The following HEATR5B variants were observed in gnomAD, a reference collection of about 807,000 sequenced individuals.
HEATR5B encodes HEAT repeat containing 5B.
HEATR5B carries 156 observed loss-of-function variants against 224.1 expected under a neutral mutation model. That is an observed-to-expected ratio of 0.70 (90% confidence interval 0.61 to 0.80). HEATR5B has a LOEUF of 0.80. Among genes scored for constraint, HEATR5B ranks in the 30% least tolerant of loss-of-function variants. The probability of loss-of-function intolerance (pLI) is 0.00; values close to 1 mark genes in which losing one functional copy is unlikely to be tolerated. For missense variants in HEATR5B, 2,323 were observed against 2,535.5 expected, an observed-to-expected ratio of 0.92 and a Z score of 1.80; for synonymous variants, 1,027 against 893.0, an observed-to-expected ratio of 1.15 and a Z score of -2.68.
At chr2:37,043,512 G>C (rs1670002371) in intron 18 of HEATR5B, among the ~76,000 whole-genome samples, 1 of 152,134 alleles carries the variant, frequency 6.6e-6, no homozygotes, top group African/African-American at 2.4e-5. Flanking sequence ...TCTTCTCCAA[G>C]GGCAATTCTG....
At position 37,019,840 on chromosome 2, in the gene HEATR5B, G is replaced by T; in HGVS notation, c.4073C>A (p.Thr1358Lys). Residue 1358 changes from threonine to lysine, a missense_variant, in exon 26 of 36, where the codon ACA becomes AAA. This residue lies in a region of HEATR5B where 339 missense variants were observed against 378.4 expected (regional missense o/e 0.90). Transcript: ENST00000233099. ...AALRPAFSQD[T>K]PSDIIAKACQ... Reference sequence around the variant, plus strand: ...AGCTTTCGCTATTATATCTGATGGTGTATCTTGTGAAAAGGCTGGTCTTAG... The same window carrying T: ...AGCTTTCGCTATTATATCTGATGGTTTATCTTGTGAAAAGGCTGGTCTTAG... 1 of 1,610,426 alleles carries T rather than the reference G, an allele frequency of 6.2e-7. No homozygotes were observed. Among genetic ancestry groups the T allele is most frequent in the Non-Finnish European group, 8.5e-7 (1 of 1,178,174 alleles).
chr2:37,074,873 T>C (rs184150989), intron 5 of HEATR5B, among the ~76,000 whole-genome samples: 1 of 152,332 alleles, frequency 6.6e-6, no homozygotes. Context: ...CAATGACATA[T>C]GTATCCATTA....
At chr2:37,081,346 T>C (rs1228335284) in intron 2 of HEATR5B, among the ~76,000 whole-genome samples, 2 of 152,218 alleles carry the variant, frequency 1.3e-5, no homozygotes, top group East Asian at 3.8e-4. Flanking sequence ...CATTAGGTCA[T>C]GCATTGACTG....
chr2:37,034,612 CAAAAAAA>C (rs772823865), intron 21 of HEATR5B, among the ~76,000 whole-genome samples: 3 of 30,580 alleles, frequency 9.8e-5, no homozygotes, highest in East Asian at 1.3e-3. Context: ...GACTCTGTCT[CAAAAAAA>C]AAAAAAAAAA....
chr2:37,076,197 GT>G (rs780631180), intron 4 of HEATR5B: 1 of 152,258 alleles, frequency 6.6e-6, no homozygotes, highest in Admixed American at 6.5e-5. Flanking sequence ...CCACTAAACT[GT>G]AAGTTCTTTG....
intron 4 of HEATR5B, among the ~76,000 whole-genome samples, chr2:37,076,436 G>A (rs1332906709): frequency 6.6e-6 from 1 of 152,132 alleles, no homozygotes; most frequent in East Asian, 1.9e-4. Context: ...AGCCAGGGAA[G>A]ATCAAAGATT....
intron 2 of HEATR5B, 125 bp from the exon 3 acceptor site, chr2:37,079,456 T>A: frequency 1.9e-6 from 1 of 536,730 alleles, no homozygotes; most frequent in Non-Finnish European, 3.2e-6. Flanking sequence ...GTATTAAACA[T>A]AAACCGTGAG....
intron 20 of HEATR5B, among the ~76,000 whole-genome samples, 176 bp from the exon 21 acceptor site, chr2:37,038,200 C>T (rs555673202): frequency 2.4e-4 from 36 of 152,126 alleles, no homozygotes; most frequent in Non-Finnish European, 4.7e-4. Context: ...AGTGCAGTGG[C>T]GCGATCTCGG....
chr2:37,060,692 A>C lies in HEATR5B; in HGVS notation c.1738T>G (p.Leu580Val). The change falls in exon 12 of 36, where the codon TTG becomes GTG. Residue 580 changes from leucine to valine, a missense_variant. By Grantham distance (32) the Leu-to-Val change is conservative. Coordinates refer to ENST00000233099, the MANE Select transcript of HEATR5B (RefSeq NM_019024.3). ...GAACGTGGGAAAACATTTCGCCACAATAACAACATCTTGGGCAGATGGTAA... is the reference window on the plus strand; with the variant it reads ...GAACGTGGGAAAACATTTCGCCACACTAACAACATCTTGGGCAGATGGTAA... ...VRYHLPKMLL[L>V]WRNVFPRSLK... 2 of 1,614,002 alleles carry C rather than the reference A, an allele frequency of 1.2e-6. No homozygotes were observed. Among genetic ancestry groups the C allele is most frequent in the Non-Finnish European group, 1.7e-6 (2 of 1,179,918 alleles).
intron 27 of HEATR5B, among the ~76,000 whole-genome samples, chr2:37,011,223 A>G (rs924749039): frequency 1.3e-5 from 2 of 152,232 alleles, no homozygotes; most frequent in African/African-American, 4.8e-5. Context: ...TTTAAGGACA[A>G]AAGTTGACTT....
chr2:37,041,917 C>A (rs1669897088), intron 18 of HEATR5B, among the ~76,000 whole-genome samples: 1 of 151,478 alleles, frequency 6.6e-6, no homozygotes, highest in Admixed American at 6.6e-5. Flanking sequence ...AACAAAATAA[C>A]TTATGTTTGG....
chr2:37,066,754 C>T (rs1468143511), intron 8 of HEATR5B, among the ~76,000 whole-genome samples: 1 of 152,062 alleles, frequency 6.6e-6, no homozygotes, highest in Non-Finnish European at 1.5e-5. Flanking sequence ...ATGACCTTAA[C>T]ATTAAGAACC....
At position 37,003,553 on chromosome 2, in the gene HEATR5B, C is replaced by G. The variant is rs558967597; in HGVS notation, c.5039G>C (p.Arg1680Thr). 5 of 1,604,528 alleles carry G rather than the reference C, an allele frequency of 3.1e-6. No homozygotes were observed. The South Asian group carries it at 4.5e-5, about 14-fold the overall frequency. The part of the protein sequence containing the change: ...RAAQDYLQEK[R>T]NTLNEDDMEK... ...TTTCTAGTGCTTACTTAGAGTGTTT[C>G]TTTTCTCTTGCAAATAATCCTGAGC... The change falls in exon 31 of 36, where the codon AGA becomes ACA. Residue 1680 changes from arginine to threonine, a missense_variant. Transcript: ENST00000233099.
rs60184195 is a variant in HEATR5B, at chr2:37,049,850, T to TAAAA, written c.2506-11_2506-8dup. 2.8e-3 allele frequency: 2,809 copies of TAAAA among 998,922 alleles called. 3 individuals carry two copies. Among genetic ancestry groups the TAAAA allele is most frequent in the South Asian group, 7.9e-3 (346 of 43,574 alleles). The allele number at this position is 998,922 out of a possible 1,614,324, so 61.9% of individuals were successfully genotyped here. On this transcript the variant is annotated splice_polypyrimidine_tract_variant and splice_region_variant and intron_variant, in intron 17 of 35. Coordinates refer to ENST00000233099, the MANE Select transcript of HEATR5B (RefSeq NM_019024.3). The stretch of plus-strand genomic sequence containing the variant: ...TTTTGTTTTCAGCTAAGCCCTACAT[T>TAAAA]AAAAAAAAAAAAAAAAAAAAGACAG...
Position 37,040,506 on chromosome 2 carries a change from G to A in HEATR5B, c.2869C>T (p.His957Tyr). 1 of 1,606,800 alleles carries A rather than the reference G, an allele frequency of 6.2e-7. No individual in the cohort carries two copies. Among genetic ancestry groups the A allele is most frequent in the Non-Finnish European group, 8.5e-7 (1 of 1,177,336 alleles). The change falls in exon 20 of 36, where the codon CAT becomes TAT. Residue 957 changes from histidine (H) to tyrosine (Y), a missense_variant. Physicochemically the swap from His to Tyr is moderately conservative, Grantham distance 83. This residue lies in a region of HEATR5B where 44 missense variants were observed against 39.0 expected (regional missense o/e 1.13). Transcript: ENST00000233099. The stretch of plus-strand genomic sequence containing the variant: ...GAATCCACTATCAAAGCAAGTGAAT[G>A]AAGAGACCAAGTCTAGAATAAAATA... Reference protein sequence around the residue: ...TSPEVQTWSLHSLALIVDSSG... With the variant: ...TSPEVQTWSLYSLALIVDSSG...
Position 37,003,662 on chromosome 2 carries a change from C to T in HEATR5B, c.4930G>A (p.Val1644Ile). The T allele has an allele frequency of 6.2e-7, 1 of 1,609,520 alleles. No homozygotes were observed. The highest frequency in any genetic ancestry group is 8.5e-7 in the Non-Finnish European group (1 of 1,177,834). ...CAGGTCAATAGAAGGCGGTGCAAAA[C>T]ACTCAGCAACTCAACACCTATCAGC... ...DQLIGVELLS[V>I]LHRLLLTWNP... The change falls in exon 31 of 36, where the codon GTT becomes ATT. Residue 1644 changes from valine to isoleucine, a missense_variant. Transcript: ENST00000233099.
chr2:37,042,053 A>G (rs931604015), intron 18 of HEATR5B, among the ~76,000 whole-genome samples: 5 of 152,108 alleles, frequency 3.3e-5, no homozygotes, highest in Non-Finnish European at 7.4e-5. Flanking sequence ...TTTGTGAAAT[A>G]TATTTTAAAT....
At chr2:37,063,965 C>G (rs1295929055) in intron 10 of HEATR5B, among the ~76,000 whole-genome samples, 1 of 152,098 alleles carries the variant, frequency 6.6e-6, no homozygotes, top group Non-Finnish European at 1.5e-5. Context: ...GCATGGGCCA[C>G]AATGCCCGGC....
chr2:37,041,704 C>T (rs1338516540), intron 18 of HEATR5B, among the ~76,000 whole-genome samples: 1 of 151,940 alleles, frequency 6.6e-6, no homozygotes, highest in African/African-American at 2.4e-5. Context: ...GTGATCACGC[C>T]ACTGCACTCC....
Sources: gnomAD v4.1 joint callset for allele counts (sites outside exome capture counted in the v4.1 genomes callset) on GRCh38, gnomAD v4.1.1 for gene constraint, gnomAD v4.1.1 regional missense constraint, MANE v1.5 for transcripts, NCBI Gene and HGNC (gene_info 2026-07-23, HGNC 2026-07-21) for gene names.